The following CERS4 variants were observed in gnomAD, a reference collection of about 807,000 sequenced individuals.
The protein encoded by CERS4 is ceramide synthase 4, also known as LAG1 homolog, ceramide synthase 4.
A neutral mutation model predicts 51.8 loss-of-function variants in CERS4; 65 were observed. The observed-to-expected ratio is 1.26, with a 90% CI of 1.03 to 1.54. CERS4 has a LOEUF of 1.54. Ranked by LOEUF, CERS4 falls within the 40% of genes most tolerant of loss-of-function variation. The probability of loss-of-function intolerance (pLI) is 0.00; values close to 1 mark genes in which losing one functional copy is unlikely to be tolerated. For synonymous variants in CERS4, 228 were observed against 208.4 expected (o/e 1.09, Z -0.81); for missense variants, 563 against 500.4 (o/e 1.13, Z -1.19).
rs371336087 is a variant in CERS4 at position 8,255,551 on chromosome 19, T to C, written c.292-56T>C. 3.6e-5 allele frequency: 53 copies of C among 1,482,652 alleles called. No individual in the cohort carries two copies. The African/African-American group carries it at 4.7e-4, about 13-fold the overall frequency. The allele number at this position is 1,482,652 out of a possible 1,614,324, so 91.8% of individuals were successfully genotyped here. On this transcript the variant is annotated intron_variant, in intron 4 of 11. Coordinates refer to ENST00000251363, the MANE Select transcript of CERS4 (RefSeq NM_024552.3). Reference sequence around the variant, plus strand: ...CAGAGCCAAGTCCTGTCTGGGGACATGGGGGAAGCCACCACAGGGCCTCTG... The same window carrying C: ...CAGAGCCAAGTCCTGTCTGGGGACACGGGGGAAGCCACCACAGGGCCTCTG...
intron 2 of CERS4, among the ~76,000 whole-genome samples, chr19:8,234,862 C>T (rs552983822): frequency 7.8e-4 from 118 of 151,672 alleles, no homozygotes; most frequent in Non-Finnish European, 1.5e-3. Context: ...CCCCATTCTA[C>T]TTTCTGTCAC....
intron 2 of CERS4, chr19:8,250,454 G>GTT (rs1969020168): frequency 1.3e-5 from 2 of 151,866 alleles, no homozygotes; most frequent in Admixed American, 6.6e-5. Context: ...CTGTTTTTTT[G>GTT]TTTTGTTTTG....
At position 8,220,373 on chromosome 19, in the gene CERS4, C is replaced by T. The variant is rs553514733; in HGVS notation, c.-2+9511C>T. Among the ~76,000 whole-genome samples, 44 of 152,182 alleles carry T rather than the reference C, an allele frequency of 2.9e-4. No individual in the cohort carries two copies. The South Asian group carries it at 5.6e-3, about 19-fold the overall frequency. On this transcript the variant is annotated intron_variant, in intron 2 of 11. Transcript: ENST00000251363. ...AGGCTGGAGTGCAGTGGTGCGATCT[C>T]GGCTCACTACAATCTCCACCTCGCA...
intron 2 of CERS4, among the ~76,000 whole-genome samples, chr19:8,223,894 T>C (rs1179288094): frequency 1.4e-5 from 2 of 146,026 alleles, no homozygotes; most frequent in Non-Finnish European, 3.0e-5. Context: ...AAATCAGGAG[T>C]TCGAGACCAG....
intron 2 of CERS4, among the ~76,000 whole-genome samples, chr19:8,221,366 C>T (rs1487690499): frequency 3.3e-5 from 5 of 152,034 alleles, no homozygotes; most frequent in Non-Finnish European, 7.4e-5. Flanking sequence ...TTGCCAACAT[C>T]GGGAACTGGT....
chr19:8,251,339 C>T (rs1243243324), intron 3 of CERS4, 90 bp downstream of exon 3: 6 of 1,461,990 alleles, frequency 4.1e-6, no homozygotes, highest in Non-Finnish European at 5.4e-6. Flanking sequence ...TGCAGCATGT[C>T]CCGAGTAGAA....
rs184551004 is a variant in CERS4 at position 8,250,271 on chromosome 19, G to A, written c.-1-805G>A. ...ATTACAGGCATGAGCCATGGTGCCC[G>A]GCCACGACTCAAGTTTCTGACCCCA... is the stretch of plus-strand genomic sequence containing the variant. On this transcript the variant is annotated intron_variant, in intron 2 of 11. Coordinates refer to ENST00000251363, the MANE Select transcript of CERS4 (RefSeq NM_024552.3). 2.2e-3 allele frequency among the ~76,000 whole-genome samples: 333 copies of A among 152,150 alleles called. 3 individuals are homozygous for A. Among genetic ancestry groups the A allele is most frequent in the African/African-American group, 7.3e-3 (305 of 41,524 alleles).
chr19:8,237,237 T>C (rs1160523838), intron 2 of CERS4, among the ~76,000 whole-genome samples: 1 of 151,834 alleles, frequency 6.6e-6, no homozygotes, highest in African/African-American at 2.4e-5. Flanking sequence ...GGTGATTTCA[T>C]GGGTGTGTAC....
chr19:8,248,604 G>A (rs1968895164), intron 2 of CERS4, among the ~76,000 whole-genome samples: 1 of 150,732 alleles, frequency 6.6e-6, no homozygotes, highest in South Asian at 2.1e-4. Flanking sequence ...TGAATGGGTA[G>A]GTGGATGGAT....
chr19:8,252,442 CT>C (rs58506162), intron 3 of CERS4, among the ~76,000 whole-genome samples: 76,934 of 148,270 alleles, frequency 0.52, 20,454 homozygotes, highest in African/African-American at 0.61. Context: ...GGCTGGCTAA[CT>C]TTTTTTTTTT....
chr19:8,261,309 T>A (rs763613347), intron 10 of CERS4: 6 of 198,582 alleles, frequency 3.0e-5, no homozygotes, highest in Admixed American at 5.5e-5. Flanking sequence ...CCTGCCTTCC[T>A]GACATGAAGC....
intron 3 of CERS4, 61 bp downstream of exon 3, chr19:8,251,310 CCT>C: frequency 6.8e-7 from 1 of 1,480,402 alleles, no homozygotes; most frequent in Non-Finnish European, 8.9e-7. Flanking sequence ...GTGCTCGTGC[CCT>C]GTGTGCAATT....
At chr19:8,250,991 T>G in intron 2 of CERS4, 85 bp from the exon 3 acceptor site, 1 of 1,492,642 alleles carries the variant, frequency 6.7e-7, no homozygotes, top group Non-Finnish European at 8.9e-7. Context: ...CGAGTAGGAG[T>G]TCTGAGGCTC....
At chr19:8,216,481 T>C (rs1967305526) in intron 2 of CERS4, among the ~76,000 whole-genome samples, 1 of 151,180 alleles carries the variant, frequency 6.6e-6, no homozygotes, top group South Asian at 2.1e-4. Flanking sequence ...AACAAACAAA[T>C]TATCAAAATG....
At chr19:8,213,557 C>G (rs754260461) in intron 2 of CERS4, among the ~76,000 whole-genome samples, 1 of 152,162 alleles carries the variant, frequency 6.6e-6, no homozygotes, top group Non-Finnish European at 1.5e-5. Flanking sequence ...AGCCTCCAGC[C>G]TCAACCTCCC....
At chr19:8,226,477 C>T (rs1967792483) in intron 2 of CERS4, among the ~76,000 whole-genome samples, 1 of 152,136 alleles carries the variant, frequency 6.6e-6, no homozygotes, top group African/African-American at 2.4e-5. Flanking sequence ...CAGCCAACAG[C>T]TGGTGGGAGG....
chr19:8,231,384 A>G (rs1967996610), intron 2 of CERS4, among the ~76,000 whole-genome samples: 1 of 152,244 alleles, frequency 6.6e-6, no homozygotes, highest in Middle Eastern at 3.4e-3. Context: ...TCAGACTCCA[A>G]AGTCTGTTTC....
At chr19:8,214,608 C>G (rs190889927) in intron 2 of CERS4, 2 of 152,402 alleles carry the variant, frequency 1.3e-5, no homozygotes, top group Non-Finnish European at 2.9e-5. Flanking sequence ...CCACAGCATA[C>G]CCTGGAGAGT....
chr19:8,224,062 A>G (rs1967672436), intron 2 of CERS4, among the ~76,000 whole-genome samples: 1 of 141,678 alleles, frequency 7.1e-6, no homozygotes. Flanking sequence ...AGATCACACC[A>G]CTGCACTCCA....
Sources: allele counts gnomAD v4.1 joint callset (sites outside exome capture counted in the v4.1 genomes callset), GRCh38; gene constraint gnomAD v4.1.1; transcripts MANE v1.5; gene names NCBI Gene and HGNC (gene_info 2026-07-23, HGNC 2026-07-21).